The following GNPDA2 variants were observed in gnomAD, a reference collection of about 807,000 sequenced individuals.
GNPDA2 encodes glcN6P deaminase 2.
A neutral mutation model predicts 27.0 loss-of-function variants in GNPDA2; 24 were observed. That is an observed-to-expected ratio of 0.89 (90% confidence interval 0.64 to 1.25). The LOEUF is 1.25. Among genes scored for constraint, GNPDA2 ranks in the 50% most tolerant of loss-of-function variants. The probability of loss-of-function intolerance (pLI) is 0.00; values close to 1 mark genes in which losing one functional copy is unlikely to be tolerated. For missense variants in GNPDA2, 286 were observed against 335.1 expected (o/e 0.85, Z 1.14); for synonymous variants, 94 against 108.4 (o/e 0.87, Z 0.83).
rs1180522805 is a variant in GNPDA2, at chr4:44,707,913, AT to A, written c.607del (p.Ile203Ter). On this transcript the variant is annotated frameshift_variant, in exon 6 of 7. Coordinates refer to ENST00000295448, the MANE Select transcript of GNPDA2 (RefSeq NM_138335.3). LOFTEE classifies it high-confidence loss of function. ...VMDAREVMIL[I>X]TGAHKAFALY... ...GGCAAATGCCTTGTGTGCCCCTGTT[AT>A]AAGGATCATTACCTGAAAAATTATG... 5 of 1,596,984 alleles carry A rather than the reference AT, an allele frequency of 3.1e-6. No homozygotes were observed. The highest frequency in any genetic ancestry group is 4.3e-6 in the Non-Finnish European group (5 of 1,170,070).
chr4:44,714,251 A>G (rs1229448307), intron 4 of GNPDA2: 2 of 962,086 alleles, frequency 2.1e-6, no homozygotes, highest in Non-Finnish European at 2.5e-6. Context: ...CTGGGATTAT[A>G]GGTGTGAGCC....
At position 44,722,220 on chromosome 4, in the gene GNPDA2, C is replaced by CCGT; in HGVS notation, c.-14_-13insACG. 6 of 1,612,648 alleles carry CCGT rather than the reference C, an allele frequency of 3.7e-6. No homozygotes were observed. Among genetic ancestry groups the CCGT allele is most frequent in the Non-Finnish European group, 5.1e-6 (6 of 1,179,228 alleles). The stretch of plus-strand genomic sequence containing the variant: ...TTACAAGCCTCATTACGGTGACGCA[C>CCGT]AGCTTCCAGAACAAGTTCAAACCTG... On this transcript the variant is annotated 5_prime_UTR_variant, in exon 2 of 7. Transcript: ENST00000295448.
chr4:44,702,844 G>T lies in GNPDA2; in HGVS notation c.*237C>A. Reference sequence around the variant, plus strand: ...TCTATGCTGTTTTATAGGTGGCTATGTGACTTCAGTACTTTATAATAAATA... The same window carrying T: ...TCTATGCTGTTTTATAGGTGGCTATTTGACTTCAGTACTTTATAATAAATA... On this transcript the variant is annotated 3_prime_UTR_variant, in exon 7 of 7. Coordinates refer to ENST00000295448, the MANE Select transcript of GNPDA2 (RefSeq NM_138335.3). 2 of 1,342,256 alleles carry T rather than the reference G, an allele frequency of 1.5e-6. No individual in the cohort carries two copies. Among genetic ancestry groups the T allele is most frequent in the Non-Finnish European group, 1.9e-6 (2 of 1,052,890 alleles). The allele number at this position is 1,342,256 out of a possible 1,614,324, so 83.1% of individuals were successfully genotyped here. A position where few individuals can be genotyped will look rare whatever the true frequency, so the allele number is the denominator to read the frequency against.
intron 1 of GNPDA2, among the ~76,000 whole-genome samples, chr4:44,725,370 T>G (rs1666375704): frequency 6.6e-6 from 1 of 152,234 alleles, no homozygotes. Context: ...TCTTACCGGT[T>G]GAGAATCACT....
chr4:44,702,887 G>A lies in GNPDA2; in HGVS notation c.*194C>T. ...AATAAATAGCCAGTCAATCTTGAGA[G>A]CCAGCTACTTCTCTTAAACCCAAGT... On this transcript the variant is annotated 3_prime_UTR_variant, in exon 7 of 7. Transcript: ENST00000295448. 1 of 1,405,012 alleles carries A rather than the reference G, an allele frequency of 7.1e-7. No homozygotes were observed. The highest frequency in any genetic ancestry group is 9.2e-7 in the Non-Finnish European group (1 of 1,088,806). 87.0% of individuals were successfully genotyped at this position (1,405,012 alleles called of 1,614,324 possible).
At chr4:44,712,477 C>G (rs1307098717) in intron 4 of GNPDA2, among the ~76,000 whole-genome samples, 1 of 152,020 alleles carries the variant, frequency 6.6e-6, no homozygotes, top group African/African-American at 2.4e-5. Flanking sequence ...AAGGCCAGAC[C>G]TACATATGGT....
chr4:44,726,147 A>C (rs60748978), intron 1 of GNPDA2, among the ~76,000 whole-genome samples: 1 of 152,160 alleles, frequency 6.6e-6, no homozygotes, highest in African/African-American at 2.4e-5. Context: ...CCTGGCCCTC[A>C]CTTGGCAAAG....
chr4:44,707,735 T>C lies in GNPDA2; in HGVS notation c.769+17A>G. 6.2e-7 allele frequency: 1 copy of C among 1,606,310 alleles called. No homozygotes were observed. The highest frequency in any genetic ancestry group is 8.5e-7 in the Non-Finnish European group (1 of 1,174,296). ...ACAACAGATTATCTCAGTCGGCTTT[T>C]GAAATTCAGTGCTCACCTTTAAAGT... On this transcript the variant is annotated intron_variant, in intron 6 of 6. Coordinates refer to ENST00000295448, the MANE Select transcript of GNPDA2 (RefSeq NM_138335.3).
chr4:44,702,628 A>G lies in GNPDA2; in HGVS notation c.*453T>C. 1.0e-6 allele frequency: 1 copy of G among 998,974 alleles called. No individual in the cohort carries two copies. The highest frequency in any genetic ancestry group is 1.7e-5 in the African/African-American group (1 of 57,418). 61.9% of individuals were successfully genotyped at this position (998,974 alleles called of 1,614,324 possible). A position where few individuals can be genotyped will look rare whatever the true frequency, so the allele number is the denominator to read the frequency against. On this transcript the variant is annotated 3_prime_UTR_variant, in exon 7 of 7. Coordinates refer to ENST00000295448, the MANE Select transcript of GNPDA2 (RefSeq NM_138335.3). ...CTAAGGCAACCACGTGCAGAAAAGC[A>G]TGTGTGTGATGCACAGAAAATATAA...
chr4:44,723,952 C>G (rs1482551686), intron 1 of GNPDA2, among the ~76,000 whole-genome samples: 2 of 152,104 alleles, frequency 1.3e-5, no homozygotes, highest in East Asian at 3.9e-4. Flanking sequence ...TGAATTGGCT[C>G]CCTATGCAGA....
intron 2 of GNPDA2, among the ~76,000 whole-genome samples, 195 bp from the exon 3 acceptor site, chr4:44,718,605 C>A (rs1263229118): frequency 6.6e-6 from 1 of 150,764 alleles, no homozygotes; most frequent in Non-Finnish European, 1.5e-5. Flanking sequence ...CTGAATAAAG[C>A]TGGAAATCTG....
In GNPDA2 at chr4:44,704,267, C is replaced by T. The variant is rs926331860; in HGVS notation, c.770-1125G>A. 5 of 984,350 alleles carry T rather than the reference C, an allele frequency of 5.1e-6. No individual in the cohort carries two copies. In the African/African-American group the frequency reaches 8.8e-5, roughly 17 times the overall value. 61.0% of individuals were successfully genotyped at this position (984,350 alleles called of 1,614,324 possible). On this transcript the variant is annotated intron_variant, in intron 6 of 6. Coordinates refer to ENST00000295448, the MANE Select transcript of GNPDA2 (RefSeq NM_138335.3). ...TGAAGGTCACCTGAAACTTCATGTC[C>T]AGTAGGAGAGGGGACAACAAAGATA...
At chr4:44,716,331 A>G (rs1440300989) in intron 4 of GNPDA2, among the ~76,000 whole-genome samples, 1 of 151,936 alleles carries the variant, frequency 6.6e-6, no homozygotes, top group Non-Finnish European at 1.5e-5. Flanking sequence ...TTATATACAG[A>G]TAATTTACAG....
chr4:44,716,297 G>A (rs1717277506), intron 4 of GNPDA2, among the ~76,000 whole-genome samples: 1 of 151,876 alleles, frequency 6.6e-6, no homozygotes, highest in South Asian at 2.1e-4. Context: ...ATTTTGATCA[G>A]TGTTCTATTA....
Position 44,711,065 on chromosome 4 carries a change from G to A in GNPDA2, c.482C>T (p.Thr161Ile). 1 of 1,613,074 alleles carries A rather than the reference G, an allele frequency of 6.2e-7. No individual in the cohort carries two copies. The highest frequency in any genetic ancestry group is 8.5e-7 in the Non-Finnish European group (1 of 1,179,458). The change falls in exon 5 of 7, where the codon ACT becomes ATT. Residue 161 changes from threonine (T) to isoleucine (I), a missense_variant. Coordinates refer to ENST00000295448, the MANE Select transcript of GNPDA2 (RefSeq NM_138335.3). ...SSLVSRTRLK[T>I]LAMDTILANA... The stretch of plus-strand genomic sequence containing the variant: ...TGCCAAGATGGTATCCATTGCTAGA[G>A]TCTTTAATCTTGTCCTTGACACTAA...
Position 44,703,160 on chromosome 4 carries a change from C to G in GNPDA2, c.770-18G>C, listed in dbSNP as rs1716377627. 1.9e-6 allele frequency: 3 copies of G among 1,602,998 alleles called. No homozygotes were observed. The highest frequency in any genetic ancestry group is 2.5e-6 in the Non-Finnish European group (3 of 1,176,802). ...CATTAGACCTTAAAGAAAAAAAGCA[C>G]AGTTCTAGTTGTTTTTATTAATTTT... On this transcript the variant is annotated intron_variant, in intron 6 of 6. Transcript: ENST00000295448.
chr4:44,710,706 G>T (rs1218008963), intron 5 of GNPDA2, among the ~76,000 whole-genome samples: 1 of 152,150 alleles, frequency 6.6e-6, no homozygotes, highest in Non-Finnish European at 1.5e-5. Context: ...AACTGGAGCA[G>T]GAATAGGCAA....
At position 44,702,396 on chromosome 4, in the gene GNPDA2, AT is replaced by A; in HGVS notation, c.*684del. ...AGCTCATAATTGTCAAGATACTTAT[AT>A]TAGGGACATGAACCCAAGTCGTTAA... On this transcript the variant is annotated 3_prime_UTR_variant, in exon 7 of 7. Transcript: ENST00000295448. 1.0e-6 allele frequency: 1 copy of A among 966,046 alleles called. No homozygotes were observed. Among genetic ancestry groups the A allele is most frequent in the Non-Finnish European group, 1.2e-6 (1 of 812,024 alleles). 59.8% of individuals were successfully genotyped at this position (966,046 alleles called of 1,614,324 possible). A position where few individuals can be genotyped will look rare whatever the true frequency, so the allele number is the denominator to read the frequency against.
intron 4 of GNPDA2, among the ~76,000 whole-genome samples, chr4:44,711,351 T>C (rs921476921): frequency 6.6e-6 from 1 of 152,180 alleles, no homozygotes; most frequent in African/African-American, 2.4e-5. Context: ...AATAGTAAAA[T>C]TAAGTATCAC....
Sources: allele counts gnomAD v4.1 joint callset (sites outside exome capture counted in the v4.1 genomes callset), GRCh38; gene constraint gnomAD v4.1.1; transcripts MANE v1.5; gene names NCBI Gene and HGNC (gene_info 2026-07-23, HGNC 2026-07-21).